The following CCNG1 variants were observed in gnomAD, a reference collection of about 807,000 sequenced individuals.
CCNG1 encodes the protein cyclin G1, also known as cyclin-G1.
Under a neutral mutation model 30.0 loss-of-function variants are expected in CCNG1, and 13 were observed. That is an observed-to-expected ratio of 0.43 (90% CI 0.28 to 0.69). The LOEUF is 0.69. Ranked by LOEUF, CCNG1 falls within the 30% of genes least tolerant of loss-of-function variation. CCNG1 has a pLI of 0.16. For missense variants in CCNG1, 285 were observed against 331.4 expected (o/e 0.86, Z 1.09); for synonymous variants, 110 against 121.5 (o/e 0.91, Z 0.62).
At chr5:163,453,900 A>G in the CCNG1 span, 12 of 804,018 alleles carry the variant, frequency 1.5e-5, no homozygotes, top group Non-Finnish European at 1.3e-5. Flanking sequence ...CTTCCATTAC[A>G]TAATCTGTTT....
At chr5:163,445,631 T>TTTTTG (rs1328322722), downstream of CCNG1, among the ~76,000 whole-genome samples, 1 of 145,260 alleles carries the variant, frequency 6.9e-6, no homozygotes, top group East Asian at 2.0e-4. Context: ...TTTTTTTTTT[T>TTTTTG]TTTTTTGTAG....
At chr5:163,443,616 A>AT (rs1375979883) in intron 6 of CCNG1, 58 bp from the exon 7 acceptor site, 35 of 868,866 alleles carry the variant, frequency 4.0e-5, no homozygotes, top group Non-Finnish European at 6.3e-5. Context: ...TCTTAGTAGT[A>AT]TTTAGGCAGA....
At chr5:163,445,620 A>ATTTTTTTTTTTTTTTTTTTTTT (rs56065634), downstream of CCNG1, among the ~76,000 whole-genome samples, 1 of 107,986 alleles carries the variant, frequency 9.3e-6, no homozygotes, top group African/African-American at 3.5e-5. Context: ...CACCCAGCTA[A>ATTTTTTTTTTTTTTTTTTTTTT]TTTTTTTTTT....
At chr5:163,442,009 T>C in intron 4 of CCNG1, 36 bp from the exon 5 acceptor site, 2 of 1,586,916 alleles carry the variant, frequency 1.3e-6, no homozygotes, top group Non-Finnish European at 1.7e-6. Flanking sequence ...GATCTGTTTT[T>C]ATATTTGGCA....
chr5:163,448,717 CATAAAAATCCTCAAAAA>C (rs1337983364), downstream of CCNG1: 1 of 151,970 alleles, frequency 6.6e-6, no homozygotes, highest in African/African-American at 2.4e-5. Context: ...TGAACACAGA[CATAAAAATCCTCAAAAA>C]ATAAAAATCT....
At chr5:163,452,922 T>C in the CCNG1 span, 1 of 152,250 alleles carries the variant, frequency 6.6e-6, no homozygotes, top group Non-Finnish European at 1.5e-5. Context: ...GGCATGATTC[T>C]GACTGGATCC....
chr5:163,454,051 C>G, the CCNG1 span: 1 of 1,505,822 alleles, frequency 6.6e-7, no homozygotes, highest in African/African-American at 1.4e-5. Context: ...AACCAGGATT[C>G]TAAAAGATAC....
chr5:163,457,288 T>G, the CCNG1 span, among the ~76,000 whole-genome samples: 2 of 152,104 alleles, frequency 1.3e-5, no homozygotes, highest in Non-Finnish European at 2.9e-5. Flanking sequence ...TGCGCCACCA[T>G]GCCCGGCTAA....
At chr5:163,452,792 A>C in the CCNG1 span, 1 of 152,222 alleles carries the variant, frequency 6.6e-6, no homozygotes, top group Non-Finnish European at 1.5e-5. Context: ...CAGAACTCAA[A>C]ATAAGGGGTG....
At chr5:163,450,057 C>A (rs1758140095), downstream of CCNG1, 1 of 151,864 alleles carries the variant, frequency 6.6e-6, no homozygotes. Context: ...TCAAGACCAG[C>A]CTAGCCTATA....
At position 163,444,988 on chromosome 5, in the gene CCNG1, T is replaced by C. The variant is rs1757999494; in HGVS notation, c.*1318T>C. ...CATTATGTTTTAGTACTAAGGGATA[T>C]ACCTTTCAATAAAGTTAATGAAATT... On this transcript the variant is annotated 3_prime_UTR_variant, in exon 7 of 7. Coordinates refer to ENST00000340828, the MANE Select transcript of CCNG1 (RefSeq NM_004060.4). 6.6e-6 allele frequency: 1 copy of C among 152,396 alleles called. No individual in the cohort carries two copies. Among genetic ancestry groups the C allele is most frequent in the Non-Finnish European group, 1.5e-5 (1 of 68,024 alleles). 9.4% of individuals were successfully genotyped at this position (152,396 alleles called of 1,614,324 possible).
chr5:163,452,907 T>C, the CCNG1 span: 1 of 152,308 alleles, frequency 6.6e-6, no homozygotes, highest in South Asian at 2.1e-4. Context: ...GACATCTAAA[T>C]GAAAGGCATG....
chr5:163,437,659 A>G lies in CCNG1; in HGVS notation c.-146A>G, dbSNP rs1159333638. On this transcript the variant is annotated 5_prime_UTR_variant, in exon 1 of 7. Transcript: ENST00000340828. ...TCTCGGCGGCGCTGCCGAGGCCTCC[A>G]CCCAGGACAGTCCCCCTCCCCGGGC... The G allele has an allele frequency of 2.0e-5, 3 of 151,868 alleles. No individual in the cohort carries two copies. Among genetic ancestry groups the G allele is most frequent in the Admixed American group, 6.6e-5 (1 of 15,260 alleles). 9.4% of individuals were successfully genotyped at this position (151,868 alleles called of 1,614,324 possible).
rs1013554593 is a variant in CCNG1, at chr5:163,445,016, A to G, written c.*1346A>G. ...CTTTCAATAAAGTTAATGAAATTCA[A>G]TCCTTTGCTGGGTGGCTTTTTTCTC... On this transcript the variant is annotated 3_prime_UTR_variant, in exon 7 of 7. Transcript: ENST00000340828. 3.9e-5 allele frequency: 6 copies of G among 152,222 alleles called. No individual in the cohort carries two copies. The East Asian group carries it at 7.7e-4, about 20-fold the overall frequency. The allele number at this position is 152,222 out of a possible 1,614,324, so 9.4% of individuals were successfully genotyped here. A position where few individuals can be genotyped will look rare whatever the true frequency, so the allele number is the denominator to read the frequency against.
In CCNG1 at chr5:163,439,379, C is replaced by A. The variant is rs750393158; in HGVS notation, c.123C>A (p.His41Gln). ...VCGLRLIESA[H>Q]DNGLRMTARL... ...GTTTGAGACTAATTGAGTCTGCACA[C>A]GATAATGGCCTCAGAATGACTGCAA... is the stretch of plus-strand genomic sequence containing the variant. The change falls in exon 2 of 7, where the codon CAC (histidine) becomes CAA (glutamine). Residue 41 changes from histidine to glutamine, a missense_variant. Transcript: ENST00000340828. 66 of 1,614,120 alleles carry A rather than the reference C, an allele frequency of 4.1e-5. No individual in the cohort carries two copies. Among genetic ancestry groups the A allele is most frequent in the Non-Finnish European group, 5.5e-5 (65 of 1,180,004 alleles).
rs1175739515 is a variant in CCNG1 at position 163,444,742 on chromosome 5, G to T, written c.*1072G>T. ...GTTGTAAACAGTTACTCAGTGCAAT[G>T]TATAGCCTGAGTCTATCCATGATGG... On this transcript the variant is annotated 3_prime_UTR_variant, in exon 7 of 7. Coordinates refer to ENST00000340828, the MANE Select transcript of CCNG1 (RefSeq NM_004060.4). 2 of 152,644 alleles carry T rather than the reference G, an allele frequency of 1.3e-5. No individual in the cohort carries two copies. Among genetic ancestry groups the T allele is most frequent in the African/African-American group, 4.8e-5 (2 of 41,468 alleles). 9.5% of individuals were successfully genotyped at this position (152,644 alleles called of 1,614,324 possible).
chr5:163,445,142 G>A (rs1758004061), downstream of CCNG1: 1 of 151,954 alleles, frequency 6.6e-6, no homozygotes, highest in African/African-American at 2.4e-5. Context: ...TAGATGCATA[G>A]TACCAGAAAC....
At chr5:163,447,822 C>T (rs1301779069), downstream of CCNG1, 1 of 152,088 alleles carries the variant, frequency 6.6e-6, no homozygotes, top group African/African-American at 2.4e-5. Flanking sequence ...AATTAAACAA[C>T]ACATTTCTAA....
chr5:163,447,278 C>T (rs1758059993), downstream of CCNG1: 1 of 152,048 alleles, frequency 6.6e-6, no homozygotes, highest in Admixed American at 6.6e-5. Context: ...ATAGGGAGAC[C>T]CTATCTCTAC....
Sources: allele counts gnomAD v4.1 joint callset (sites outside exome capture counted in the v4.1 genomes callset), GRCh38; gene constraint gnomAD v4.1.1; transcripts MANE v1.5; gene names NCBI Gene and HGNC (gene_info 2026-07-23, HGNC 2026-07-21).